The following NTNG1 variants were observed in gnomAD, a reference collection of about 807,000 sequenced individuals.
NTNG1 encodes the protein netrin G1.
A neutral mutation model predicts 54.0 loss-of-function variants in NTNG1; 16 were observed. The observed-to-expected ratio is 0.30, with a 90% CI of 0.20 to 0.45. The LOEUF (loss-of-function observed/expected upper bound fraction) is 0.45. Ranked by LOEUF, NTNG1 falls within the 20% of genes least tolerant of loss-of-function variation. NTNG1 has a pLI of 1.00. For synonymous variants in NTNG1, 255 were observed against 263.1 expected, an observed-to-expected ratio of 0.97 and a Z score of 0.30; for missense variants, 530 against 678.7, an observed-to-expected ratio of 0.78 and a Z score of 2.43.
At chr1:107,296,807 A>G (rs1269027278) in intron 2 of NTNG1, among the ~76,000 whole-genome samples, 1 of 148,830 alleles carries the variant, frequency 6.7e-6, no homozygotes, top group Non-Finnish European at 1.5e-5. Context: ...CATCTATTAT[A>G]TATACATATA....
intron 3 of NTNG1, among the ~76,000 whole-genome samples, chr1:107,357,285 TA>T (rs919923081): frequency 1.5e-4 from 22 of 147,808 alleles, no homozygotes; most frequent in Admixed American, 1.1e-3. Context: ...TGATCTCAAT[TA>T]AAAAAAATTC....
Position 107,287,128 on chromosome 1 carries a change from TAAG to T in NTNG1, c.247-37145_247-37143del, listed in dbSNP as rs541642635. ...AAGGAATAATAGATGTATTTATTTATAAGAAGAAGAATAGGGTGTTCTAGCTGT... is the reference window on the plus strand; with the variant it reads ...AAGGAATAATAGATGTATTTATTTATAAGAAGAATAGGGTGTTCTAGCTGT... On this transcript the variant is annotated intron_variant, in intron 2 of 7. Coordinates refer to ENST00000370068, the MANE Select transcript of NTNG1 (RefSeq NM_001113226.3). Among the ~76,000 whole-genome samples the T allele has an allele frequency of 6.9e-4, 105 of 152,260 alleles. No homozygotes were observed. In the South Asian group the frequency reaches 0.014, roughly 20 times the overall value.
intron 3 of NTNG1, among the ~76,000 whole-genome samples, chr1:107,368,339 A>G (rs1020653567): frequency 2.0e-5 from 3 of 152,160 alleles, no homozygotes; most frequent in African/African-American, 7.2e-5. Flanking sequence ...AAAAAAAAAA[A>G]ACATTGGTGG....
intron 6 of NTNG1, among the ~76,000 whole-genome samples, chr1:107,435,431 A>G (rs184674614): frequency 1.4e-4 from 22 of 152,298 alleles, no homozygotes; most frequent in Admixed American, 2.0e-4. Flanking sequence ...ACTATTCATC[A>G]TATAAATGTT....
chr1:107,284,687 G>T (rs1263472579), intron 2 of NTNG1, among the ~76,000 whole-genome samples: 1 of 152,016 alleles, frequency 6.6e-6, no homozygotes, highest in Non-Finnish European at 1.5e-5. Context: ...CATAAGAAAA[G>T]ATTGAGGGAA....
chr1:107,343,363 A>G (rs1412577816), intron 3 of NTNG1, among the ~76,000 whole-genome samples: 1 of 152,124 alleles, frequency 6.6e-6, no homozygotes, highest in East Asian at 1.9e-4. Flanking sequence ...ACATGATGCA[A>G]TACCCAAAAC....
At chr1:107,308,118 C>T (rs1666793874) in intron 2 of NTNG1, among the ~76,000 whole-genome samples, 1 of 151,874 alleles carries the variant, frequency 6.6e-6, no homozygotes, top group African/African-American at 2.4e-5. Flanking sequence ...ATCAACTCTA[C>T]TGATAGCTTC....
intron 2 of NTNG1, among the ~76,000 whole-genome samples, chr1:107,272,846 C>T (rs1195148766): frequency 6.6e-6 from 1 of 152,174 alleles, no homozygotes; most frequent in South Asian, 2.1e-4. Context: ...CTTGGTCTAA[C>T]CATTAAGTAC....
intron 2 of NTNG1, among the ~76,000 whole-genome samples, chr1:107,237,157 A>G (rs1661468543): frequency 6.6e-6 from 1 of 152,180 alleles, no homozygotes; most frequent in Admixed American, 6.6e-5. Flanking sequence ...GTGGTCTTAG[A>G]TGGAGATGAG....
chr1:107,195,963 A>G (rs1208550718), intron 2 of NTNG1, among the ~76,000 whole-genome samples: 1 of 150,658 alleles, frequency 6.6e-6, no homozygotes, highest in Non-Finnish European at 1.5e-5. Context: ...TGTATCTTTT[A>G]TTTACCCTCA....
intron 3 of NTNG1, among the ~76,000 whole-genome samples, chr1:107,338,560 A>G (rs1229482411): frequency 6.6e-6 from 1 of 151,954 alleles, no homozygotes; most frequent in Admixed American, 6.6e-5. Flanking sequence ...GCAAGCACCT[A>G]GGAGGCCAAG....
At chr1:107,404,684 T>G (rs1391716009) in intron 4 of NTNG1, among the ~76,000 whole-genome samples, 1 of 152,042 alleles carries the variant, frequency 6.6e-6, no homozygotes, top group African/African-American at 2.4e-5. Context: ...CTCAGATCTG[T>G]CAGGCAAACA....
At chr1:107,373,174 A>ATT (rs1671030096) in intron 3 of NTNG1, among the ~76,000 whole-genome samples, 3 of 151,398 alleles carry the variant, frequency 2.0e-5, no homozygotes, top group Non-Finnish European at 4.4e-5. Context: ...CTTTTTCTGC[A>ATT]TTTGTTGGGA....
At chr1:107,394,413 C>T (rs1672552641) in intron 3 of NTNG1, among the ~76,000 whole-genome samples, 1 of 149,850 alleles carries the variant, frequency 6.7e-6, no homozygotes, top group Admixed American at 6.7e-5. Flanking sequence ...GACTTCCAAA[C>T]CCTGCCACAT....
chr1:107,141,641 C>G (rs560328445), intron 1 of NTNG1, among the ~76,000 whole-genome samples: 1 of 152,224 alleles, frequency 6.6e-6, no homozygotes, highest in South Asian at 2.1e-4. Flanking sequence ...CGCGCGGAGC[C>G]CTACGCGCAC....
In NTNG1 at chr1:107,198,129, C is replaced by T. The variant is rs184793359; in HGVS notation, c.246+49290C>T. On this transcript the variant is annotated intron_variant, in intron 2 of 7. Transcript: ENST00000370068. ...CAAATTCTAAATAATGTGACACCAA[C>T]GGGACAATTGGAAATTTAAACAGTG... Among the ~76,000 whole-genome samples, 3 of 152,022 alleles carry T rather than the reference C, an allele frequency of 2.0e-5. 1 individual carries two copies. The highest frequency in any genetic ancestry group is 2.0e-4 in the Admixed American group (3 of 15,246).
intron 2 of NTNG1, among the ~76,000 whole-genome samples, chr1:107,232,061 A>G (rs912166022): frequency 6.6e-6 from 1 of 152,208 alleles, no homozygotes; most frequent in Non-Finnish European, 1.5e-5. Context: ...TAACAGATCA[A>G]ATTCTAAGGT....
chr1:107,170,716 G>A (rs2101089484), intron 2 of NTNG1, among the ~76,000 whole-genome samples: 1 of 151,014 alleles, frequency 6.6e-6, no homozygotes, highest in South Asian at 2.1e-4. Context: ...TTCTTGAGGG[G>A]GAAAAAAAAG....
At chr1:107,214,602 C>G (rs977594418) in intron 2 of NTNG1, among the ~76,000 whole-genome samples, 1 of 152,092 alleles carries the variant, frequency 6.6e-6, no homozygotes, top group Non-Finnish European at 1.5e-5. Context: ...GTATCTTTTT[C>G]ATGTAATGAC....
Sources: gnomAD v4.1 joint callset for allele counts (sites outside exome capture counted in the v4.1 genomes callset) on GRCh38, gnomAD v4.1.1 for gene constraint, MANE v1.5 for transcripts, NCBI Gene and HGNC (gene_info 2026-07-23, HGNC 2026-07-21) for gene names.